SLIT1: variants seen among roughly 807,000 people sequenced by gnomAD.
SLIT1 encodes the protein slit homolog 1 protein.
A neutral mutation model predicts 186.1 loss-of-function variants in SLIT1; 66 were observed. That is an observed-to-expected ratio of 0.35 (90% CI 0.29 to 0.44). SLIT1 has a LOEUF of 0.44. Ranked by LOEUF, SLIT1 falls within the 20% of genes least tolerant of loss-of-function variation. The pLI, the probability that SLIT1 is intolerant of heterozygous loss-of-function variation, is 1.00. For synonymous variants in SLIT1, 761 were observed against 833.8 expected, an observed-to-expected ratio of 0.91 and a Z score of 1.50; for missense variants, 1,638 against 2,037.4, an observed-to-expected ratio of 0.80 and a Z score of 3.77.
intron 4 of SLIT1, among the ~76,000 whole-genome samples, chr10:97,066,478 G>A (rs1378425814): frequency 1.3e-5 from 2 of 152,068 alleles, no homozygotes; most frequent in African/African-American, 4.8e-5. Flanking sequence ...CTGGAGGTGG[G>A]GCCTGGTGGG....
intron 20 of SLIT1, 114 bp downstream of exon 20, chr10:97,042,787 C>T (rs71484299): frequency 8.5e-7 from 1 of 1,183,152 alleles, no homozygotes; most frequent in African/African-American, 1.5e-5. Flanking sequence ...AACCTCTCCT[C>T]TCAGGGGCAT....
intron 4 of SLIT1, among the ~76,000 whole-genome samples, chr10:97,110,535 C>CA (rs1310993222): frequency 6.6e-6 from 1 of 151,698 alleles, no homozygotes. Context: ...ATACTGAGTC[C>CA]AAAAAAATAA....
chr10:97,126,459 G>A (rs981941333), intron 4 of SLIT1, among the ~76,000 whole-genome samples: 1 of 152,148 alleles, frequency 6.6e-6, no homozygotes, highest in Admixed American at 6.5e-5. Flanking sequence ...GGTTCAGGAT[G>A]GTGGAGATGA....
At chr10:97,082,122 CCA>C (rs1362302396) in intron 4 of SLIT1, among the ~76,000 whole-genome samples, 1 of 152,244 alleles carries the variant, frequency 6.6e-6, no homozygotes, top group Non-Finnish European at 1.5e-5. Flanking sequence ...GAATCCTTCC[CCA>C]GTTTCCACTT....
rs180848985 is a variant in SLIT1, at chr10:97,077,339, C to T, written c.414-11253G>A. 2.6e-3 allele frequency among the ~76,000 whole-genome samples: 398 copies of T among 152,218 alleles called. 2 individuals are homozygous for T. The highest frequency in any genetic ancestry group is 4.3e-3 in the Non-Finnish European group (294 of 67,992). ...TTGCCACCTCCACTAGGCTTGGCTG[C>T]GGTCCTTTGAGTGGCAAGTTCCCCT... On this transcript the variant is annotated intron_variant, in intron 4 of 36. Coordinates refer to ENST00000266058, the MANE Select transcript of SLIT1 (RefSeq NM_003061.3).
At chr10:97,030,923 G>A in intron 24 of SLIT1, 95 bp from the exon 25 acceptor site, 1 of 1,054,460 alleles carries the variant, frequency 9.5e-7, no homozygotes. Flanking sequence ...GAGGGGACAG[G>A]CCGTGCCTTC....
chr10:97,123,376 A>G (rs1849576647), intron 4 of SLIT1, among the ~76,000 whole-genome samples: 1 of 152,056 alleles, frequency 6.6e-6, no homozygotes, highest in South Asian at 2.1e-4. Context: ...AAGTAGAGCA[A>G]CCTCCCTTCA....
chr10:97,153,329 C>A (rs1453214390), intron 4 of SLIT1: 1 of 152,254 alleles, frequency 6.6e-6, no homozygotes, highest in East Asian at 1.9e-4. Flanking sequence ...ACAAAATCAA[C>A]TGAAATGTGG....
chr10:97,012,682 G>T (rs117061708), intron 30 of SLIT1, among the ~76,000 whole-genome samples: 2 of 152,200 alleles, frequency 1.3e-5, no homozygotes, highest in African/African-American at 4.8e-5. Context: ...TACAGCGTCC[G>T]TCTACCATTT....
chr10:97,057,696 T>G, intron 11 of SLIT1: 1 of 390,038 alleles, frequency 2.6e-6, no homozygotes, highest in Non-Finnish European at 4.6e-6. Context: ...CAGGAAAAAA[T>G]AGAATGCCAG....
At chr10:97,146,569 C>G (rs1391657884) in intron 4 of SLIT1, among the ~76,000 whole-genome samples, 1 of 151,780 alleles carries the variant, frequency 6.6e-6, no homozygotes, top group Non-Finnish European at 1.5e-5. Context: ...GCCCCCCCCA[C>G]TGAACACCTC....
chr10:97,063,492 A>C lies in SLIT1; in HGVS notation c.756T>G (p.Asn252Lys), dbSNP rs763020768. Reference protein sequence around the residue: ...CSGPASLRGLNVAEVQKSEFS... With the variant: ...CSGPASLRGLKVAEVQKSEFS... ...ACTCACTCTTCTGGACCTCTGCCAC[A>C]TTGAGGCCACGCAGGCTGGCTGGGC... is the stretch of plus-strand genomic sequence containing the variant. The change falls in exon 8 of 37, where the codon AAT becomes AAG. Residue 252 changes from asparagine (N) to lysine (K), a missense_variant. By Grantham distance (94) the Asn-to-Lys change is moderately conservative. Around this residue, in one of 3 missense-constraint regions of SLIT1, gnomAD observed 1,245 missense variants for 1,535.3 expected, o/e 0.81. Transcript: ENST00000266058. The C allele has an allele frequency of 6.2e-7, 1 of 1,613,126 alleles. No homozygotes were observed. Among genetic ancestry groups the C allele is most frequent in the South Asian group, 1.1e-5 (1 of 91,028 alleles).
intron 1 of SLIT1, among the ~76,000 whole-genome samples, chr10:97,185,222 A>AGTGCAGG (rs948799812): frequency 6.6e-6 from 1 of 152,244 alleles, no homozygotes; most frequent in African/African-American, 2.4e-5. Flanking sequence ...GAGGGTGCGG[A>AGTGCAGG]GTGCAGGGTG....
chr10:97,039,549 T>C (rs1848672105), intron 21 of SLIT1, among the ~76,000 whole-genome samples: 1 of 151,854 alleles, frequency 6.6e-6, no homozygotes, highest in African/African-American at 2.4e-5. Flanking sequence ...ACTGGTGCTG[T>C]TTATGACAGT....
At position 97,065,130 on chromosome 10, in the gene SLIT1, AC is replaced by A. The variant is rs550182604; in HGVS notation, c.486-255del. On this transcript the variant is annotated intron_variant, in intron 5 of 36. Coordinates refer to ENST00000266058, the MANE Select transcript of SLIT1 (RefSeq NM_003061.3). ...CTTACATATCCCCTGGGGAGCAGGC[AC>A]CCCCCTACACACACACACACACACA... Among the ~76,000 whole-genome samples, 729 of 137,696 alleles carry A rather than the reference AC, an allele frequency of 5.3e-3. 9 individuals carry two copies. The highest frequency in any genetic ancestry group is 0.021 in the African/African-American group (668 of 32,368). The allele number at this position is 137,696 out of a possible 152,430, so 90.3% of individuals were successfully genotyped here. A position where few individuals can be genotyped will look rare whatever the true frequency, so the allele number is the denominator to read the frequency against.
At chr10:97,063,955 GA>G (rs922644243) in intron 7 of SLIT1, among the ~76,000 whole-genome samples, 1 of 152,176 alleles carries the variant, frequency 6.6e-6, no homozygotes, top group East Asian at 1.9e-4. Flanking sequence ...GTTTTCCAAG[GA>G]AAAACCAAAT....
Position 97,006,358 on chromosome 10 carries a change from T to G in SLIT1, c.3579+125A>C. 1 of 666,372 alleles carries G rather than the reference T, an allele frequency of 1.5e-6. No individual in the cohort carries two copies. Among genetic ancestry groups the G allele is most frequent in the Non-Finnish European group, 2.7e-6 (1 of 377,248 alleles). 41.3% of individuals were successfully genotyped at this position (666,372 alleles called of 1,614,324 possible). ...GATTTTGATACCCATATGCAAAACGTTTTGATTACACAGAGTCCTTCCAGT... is the reference window on the plus strand; with the variant it reads ...GATTTTGATACCCATATGCAAAACGGTTTGATTACACAGAGTCCTTCCAGT... On this transcript the variant is annotated intron_variant, in intron 32 of 36. Coordinates refer to ENST00000266058, the MANE Select transcript of SLIT1 (RefSeq NM_003061.3). This position sits in a 1 kb window ranked among gnomAD's most constrained non-coding sequence, Gnocchi z 4.0.
rs1848291748 is a variant in SLIT1, at chr10:97,000,257, T to C, written c.*855A>G. 1 of 152,374 alleles carries C rather than the reference T, an allele frequency of 6.6e-6. No individual in the cohort carries two copies. The allele number at this position is 152,374 out of a possible 1,614,324, so 9.4% of individuals were successfully genotyped here. A position where few individuals can be genotyped will look rare whatever the true frequency, so the allele number is the denominator to read the frequency against. On this transcript the variant is annotated 3_prime_UTR_variant, in exon 37 of 37. Transcript: ENST00000266058. ...AGGTCACCGACAGCTTGTGGCTGAC[T>C]GGTGGCTGGGGAAGCCCAGGACCAA...
chr10:97,109,631 T>A (rs2817695), intron 4 of SLIT1, among the ~76,000 whole-genome samples: 122,097 of 152,180 alleles, frequency 0.8, 49,149 homozygotes, highest in South Asian at 0.87. Flanking sequence ...GGAGTTTGGA[T>A]ATTAACATTT....
Sources: gnomAD v4.1 joint callset for allele counts (sites outside exome capture counted in the v4.1 genomes callset) on GRCh38, gnomAD v4.1.1 for gene constraint, gnomAD v4.1.1 regional missense constraint, Gnocchi (gnomAD v3.1) non-coding constraint, MANE v1.5 for transcripts, NCBI Gene and HGNC (gene_info 2026-07-23, HGNC 2026-07-21) for gene names.